RALGAPA1: variants seen among roughly 807,000 people sequenced by gnomAD.
The protein encoded by RALGAPA1 is ral GTPase-activating protein subunit alpha-1.
A neutral mutation model predicts 269.6 loss-of-function variants in RALGAPA1; 52 were observed. That is an observed-to-expected ratio of 0.19 (90% CI 0.15 to 0.24). The LOEUF is 0.24. RALGAPA1 is among the 10% of genes least tolerant of loss of function. RALGAPA1 has a pLI of 1.00. For missense variants in RALGAPA1, 1,917 were observed against 3,013.9 expected (o/e 0.64, Z 8.52); for synonymous variants, 817 against 1,008.3 (o/e 0.81, Z 3.60).
intron 16 of RALGAPA1, among the ~76,000 whole-genome samples, chr14:35,709,288 T>C (rs2140794652): frequency 6.6e-6 from 1 of 152,294 alleles, no homozygotes; most frequent in Admixed American, 6.5e-5. Flanking sequence ...TTTACACTGA[T>C]GTGATTAATA....
chr14:35,676,770 CAT>C (rs1364477753), intron 22 of RALGAPA1: 4 of 152,070 alleles, frequency 2.6e-5, no homozygotes, highest in Non-Finnish European at 4.4e-5. Context: ...GTTAGGGAGA[CAT>C]GTGGGAAGGG....
At chr14:35,607,443 G>T (rs2059665441) in intron 35 of RALGAPA1, among the ~76,000 whole-genome samples, 1 of 152,174 alleles carries the variant, frequency 6.6e-6, no homozygotes, top group African/African-American at 2.4e-5. Context: ...AAAGAACCAG[G>T]TCTGCTCTCC....
chr14:35,740,172 T>C lies in RALGAPA1; in HGVS notation c.1450-1522A>G, dbSNP rs560239307. ...GAGTTAGGTGTTCTCTCTTTCATGCTCTAGGATCATAGCAGTAACACTGTT... is the reference window on the plus strand; with the variant it reads ...GAGTTAGGTGTTCTCTCTTTCATGCCCTAGGATCATAGCAGTAACACTGTT... On this transcript the variant is annotated intron_variant, in intron 11 of 41. Transcript: ENST00000680220. Among the ~76,000 whole-genome samples, 99 of 152,292 alleles carry C rather than the reference T, an allele frequency of 6.5e-4. 2 individuals are homozygous for C. The South Asian group carries it at 0.02, about 31-fold the overall frequency.
intron 35 of RALGAPA1, among the ~76,000 whole-genome samples, chr14:35,610,064 C>G (rs2059835165): frequency 2.0e-5 from 3 of 149,772 alleles, no homozygotes; most frequent in African/African-American, 7.4e-5. Flanking sequence ...ATCAATGAAC[C>G]CAAAAGTTGG....
chr14:35,654,864 T>A (rs1361140321), intron 29 of RALGAPA1, among the ~76,000 whole-genome samples: 2 of 152,162 alleles, frequency 1.3e-5, no homozygotes, highest in African/African-American at 2.4e-5. Flanking sequence ...CTCAGAGGAC[T>A]CCCCAATGGC....
intron 39 of RALGAPA1, 106 bp downstream of exon 39, chr14:35,570,511 T>A (rs3764177): frequency 0.074 from 69,396 of 937,218 alleles, 4,887 homozygotes; most frequent in East Asian, 0.35. Context: ...AAATAATAAT[T>A]AAAAAAACCC....
intron 38 of RALGAPA1, among the ~76,000 whole-genome samples, 190 bp from the exon 39 acceptor site, chr14:35,570,934 G>A (rs2057137004): frequency 6.6e-6 from 1 of 152,134 alleles, no homozygotes; most frequent in Non-Finnish European, 1.5e-5. Flanking sequence ...AATGTCAAAG[G>A]TTTATAGGGT....
chr14:35,706,331 T>C (rs2067802660), intron 16 of RALGAPA1, among the ~76,000 whole-genome samples: 1 of 152,162 alleles, frequency 6.6e-6, no homozygotes, highest in African/African-American at 2.4e-5. Flanking sequence ...GTGTCTAGAT[T>C]CATCTTTTTT....
intron 31 of RALGAPA1, among the ~76,000 whole-genome samples, chr14:35,638,355 T>A (rs916603195): frequency 6.6e-6 from 1 of 152,236 alleles, no homozygotes; most frequent in African/African-American, 2.4e-5. Context: ...TTGTTATTAA[T>A]TTTCTTTTTG....
At chr14:35,730,402 G>A (rs1423338043) in intron 12 of RALGAPA1, among the ~76,000 whole-genome samples, 2 of 152,178 alleles carry the variant, frequency 1.3e-5, no homozygotes, top group Non-Finnish European at 2.9e-5. Context: ...CTCAAAGGAG[G>A]GTGTGAATCC....
intron 13 of RALGAPA1, among the ~76,000 whole-genome samples, chr14:35,726,649 T>C (rs774787257): frequency 2.0e-5 from 3 of 151,960 alleles, no homozygotes; most frequent in Non-Finnish European, 1.5e-5. Context: ...GTAAAATATA[T>C]GAAAAACCTC....
intron 11 of RALGAPA1, 43 bp downstream of exon 11, chr14:35,742,325 T>C (rs894890259): frequency 3.7e-6 from 5 of 1,341,980 alleles, no homozygotes; most frequent in Non-Finnish European, 3.1e-6. Context: ...AAACTCTTAA[T>C]CTATTAGACT....
intron 35 of RALGAPA1, among the ~76,000 whole-genome samples, chr14:35,620,598 T>C (rs1310722101): frequency 6.6e-6 from 1 of 152,186 alleles, no homozygotes; most frequent in Non-Finnish European, 1.5e-5. Context: ...GACATGATCG[T>C]ATATTTAGAA....
At chr14:35,602,788 G>A (rs2059369994) in intron 36 of RALGAPA1, among the ~76,000 whole-genome samples, 1 of 152,130 alleles carries the variant, frequency 6.6e-6, no homozygotes, top group Admixed American at 6.6e-5. Context: ...TGTTGCTCAT[G>A]ATTTGTGTCT....
chr14:35,588,757 A>C (rs2058463452), intron 37 of RALGAPA1, among the ~76,000 whole-genome samples: 1 of 152,202 alleles, frequency 6.6e-6, no homozygotes, highest in Non-Finnish European at 1.5e-5. Flanking sequence ...TACTGGGTAT[A>C]TATCCAGAGA....
chr14:35,687,779 A>C (rs1451818177), intron 18 of RALGAPA1, among the ~76,000 whole-genome samples: 1 of 152,256 alleles, frequency 6.6e-6, no homozygotes, highest in Non-Finnish European at 1.5e-5. Flanking sequence ...AAATCTCAGA[A>C]AAAAACAAAG....
rs912523713 is a variant in RALGAPA1 at position 35,685,055 on chromosome 14, T to C, written c.4168A>G (p.Ile1390Val). Residue 1390 changes from isoleucine (I) to valine (V), a missense_variant, in exon 20 of 42, where the codon ATT becomes GTT. Coordinates refer to ENST00000680220, the MANE Select transcript of RALGAPA1 (RefSeq NM_001346249.2). ...TCTGAGGGCACACCTGGGTCATCAA[T>C]AGGGCGCATCTGGTTCTGCTTGTTT... ...ILNKQNQMRP[I>V]DDPGVPSEWT... The C allele has an allele frequency of 5.6e-6, 9 of 1,603,728 alleles. No individual in the cohort carries two copies. In the African/African-American group the frequency reaches 8.0e-5, roughly 14 times the overall value.
At chr14:35,714,251 C>T (rs2068614507) in intron 16 of RALGAPA1, among the ~76,000 whole-genome samples, 1 of 152,128 alleles carries the variant, frequency 6.6e-6, no homozygotes, top group South Asian at 2.1e-4. Flanking sequence ...CTCCCACTAG[C>T]AATATATAAG....
rs563912932 is a variant in RALGAPA1 at position 35,629,284 on chromosome 14, T to G, written c.5996-1333A>C. ...CATTCATGTTAGGATGTTTAGGGGG[T>G]GTGTGTGTGTGTGTGTGTGTGTGTG... On this transcript the variant is annotated intron_variant, in intron 33 of 41. Coordinates refer to ENST00000680220, the MANE Select transcript of RALGAPA1 (RefSeq NM_001346249.2). Among the ~76,000 whole-genome samples the G allele has an allele frequency of 6.6e-3, 228 of 34,802 alleles. 1 individual carries two copies. The highest frequency in any genetic ancestry group is 0.013 in the African/African-American group (198 of 15,038). 22.8% of individuals were successfully genotyped at this position (34,802 alleles called of 152,430 possible). A position where few individuals can be genotyped will look rare whatever the true frequency, so the allele number is the denominator to read the frequency against.
Sources: allele counts gnomAD v4.1 joint callset (sites outside exome capture counted in the v4.1 genomes callset), GRCh38; gene constraint gnomAD v4.1.1; transcripts MANE v1.5; gene names NCBI Gene and HGNC (gene_info 2026-07-23, HGNC 2026-07-21).